The following CHCHD3 variants were observed in gnomAD, a reference collection of about 807,000 sequenced individuals.
CHCHD3 encodes coiled-coil-helix-coiled-coil-helix domain containing 3, also known as MICOS complex subunit MIC19.
A neutral mutation model predicts 38.2 loss-of-function variants in CHCHD3; 20 were observed. That is an observed-to-expected ratio of 0.52 (90% CI 0.37 to 0.76). The LOEUF (loss-of-function observed/expected upper bound fraction) is 0.76. Ranked by LOEUF, CHCHD3 falls within the 30% of genes least tolerant of loss-of-function variation. The pLI, the probability that CHCHD3 is intolerant of heterozygous loss-of-function variation, is 0.00. For missense variants in CHCHD3, 245 were observed against 279.2 expected, an observed-to-expected ratio of 0.88 and a Z score of 0.87; for synonymous variants, 82 against 100.0, an observed-to-expected ratio of 0.82 and a Z score of 1.07.
chr7:132,878,107 T>C lies in CHCHD3; in HGVS notation c.453+7555A>G, dbSNP rs998014296. Among the ~76,000 whole-genome samples, 5 of 152,218 alleles carry C rather than the reference T, an allele frequency of 3.3e-5. No individual in the cohort carries two copies. The East Asian group carries it at 9.6e-4, about 29-fold the overall frequency. On this transcript the variant is annotated intron_variant, in intron 5 of 7. Transcript: ENST00000262570. ...TATATTTTAGTATCTCAGATGTCAG[T>C]AGACTAATTGTGAATCCATCCTGCA...
chr7:132,837,995 C>T (rs967678005), intron 6 of CHCHD3, among the ~76,000 whole-genome samples: 3 of 152,066 alleles, frequency 2.0e-5, no homozygotes, highest in African/African-American at 4.8e-5. Context: ...AGCCTAACCA[C>T]GAGAAAGGCA....
chr7:132,942,704 G>A (rs7784213), intron 4 of CHCHD3, among the ~76,000 whole-genome samples: 6,522 of 152,250 alleles, frequency 0.043, 308 homozygotes, highest in African/African-American at 0.12. Flanking sequence ...AAGATGCTCT[G>A]TGACAACATC....
At chr7:132,796,655 C>G (rs535415039) in intron 6 of CHCHD3, 78 bp from the exon 7 acceptor site, 3 of 1,309,320 alleles carry the variant, frequency 2.3e-6, no homozygotes. Flanking sequence ...ACACATAAAA[C>G]GCACAGTAAG....
intron 7 of CHCHD3, among the ~76,000 whole-genome samples, 198 bp from the exon 8 acceptor site, chr7:132,785,858 A>G (rs1327337990): frequency 2.0e-5 from 3 of 152,092 alleles, no homozygotes; most frequent in Admixed American, 2.0e-4. Flanking sequence ...TCTTTAAATG[A>G]CCCCTCTCAC....
At chr7:133,017,132 C>T (rs1279540287) in intron 3 of CHCHD3, among the ~76,000 whole-genome samples, 1 of 152,236 alleles carries the variant, frequency 6.6e-6, no homozygotes, top group Non-Finnish European at 1.5e-5. Context: ...TAGGCTGACA[C>T]AGCTCTAAGT....
At chr7:133,037,587 C>T (rs976034611) in intron 2 of CHCHD3, among the ~76,000 whole-genome samples, 5 of 152,006 alleles carry the variant, frequency 3.3e-5, no homozygotes, top group African/African-American at 7.3e-5. Flanking sequence ...CTGAGGCAGG[C>T]GGATCACCTG....
chr7:132,841,665 G>A lies in CHCHD3; in HGVS notation c.454-3196C>T, dbSNP rs1017571137. On this transcript the variant is annotated intron_variant, in intron 5 of 7. Coordinates refer to ENST00000262570, the MANE Select transcript of CHCHD3 (RefSeq NM_017812.4). Reference sequence around the variant, plus strand: ...ACACCAAGTTCCACTGATGATCTCCGAGTGGCAGCAGTCATGTGGTGTGGT... The same window carrying A: ...ACACCAAGTTCCACTGATGATCTCCAAGTGGCAGCAGTCATGTGGTGTGGT... 9.2e-5 allele frequency among the ~76,000 whole-genome samples: 14 copies of A among 152,274 alleles called. No homozygotes were observed. The East Asian group carries it at 1.2e-3, about 13-fold the overall frequency.
At chr7:132,803,092 T>A (rs1229737040) in intron 6 of CHCHD3, among the ~76,000 whole-genome samples, 3 of 152,190 alleles carry the variant, frequency 2.0e-5, no homozygotes, top group Admixed American at 6.5e-5. Context: ...TAAAGTATTC[T>A]GGGTAGAACT....
chr7:132,982,757 T>C (rs1811951123), intron 3 of CHCHD3, among the ~76,000 whole-genome samples: 1 of 152,188 alleles, frequency 6.6e-6, no homozygotes, highest in Non-Finnish European at 1.5e-5. Context: ...AGAGAAATTA[T>C]GTAAAATTGA....
chr7:132,795,909 T>C (rs565008979), intron 7 of CHCHD3, among the ~76,000 whole-genome samples: 1 of 152,380 alleles, frequency 6.6e-6, no homozygotes, highest in East Asian at 1.9e-4. Flanking sequence ...GGCTATGGTC[T>C]ATAAAAGCAG....
chr7:132,807,692 T>A (rs1806967986), intron 6 of CHCHD3, among the ~76,000 whole-genome samples: 1 of 143,448 alleles, frequency 7.0e-6, no homozygotes, highest in African/African-American at 2.6e-5. Context: ...GGCTGAGAAA[T>A]GATTATAAAA....
At chr7:132,976,490 T>C (rs1177308688) in intron 3 of CHCHD3, among the ~76,000 whole-genome samples, 1 of 152,238 alleles carries the variant, frequency 6.6e-6, no homozygotes, top group Non-Finnish European at 1.5e-5. Context: ...GCCTGGCACA[T>C]AGAGGCATTC....
Position 132,796,591 on chromosome 7 carries a change from C to T in CHCHD3, c.525-14G>A. The stretch of plus-strand genomic sequence containing the variant: ...GACTCATATCGCCTGAAAACAAACA[C>T]AGGGACCGCTGAGACCAATGGTCTT... On this transcript the variant is annotated splice_polypyrimidine_tract_variant and intron_variant, in intron 6 of 7. Transcript: ENST00000262570. 1.9e-6 allele frequency: 3 copies of T among 1,613,110 alleles called. 1 individual carries two copies. The South Asian group carries it at 3.3e-5, about 18-fold the overall frequency.
At chr7:132,971,612 G>A (rs1275921672) in intron 4 of CHCHD3, among the ~76,000 whole-genome samples, 3 of 152,088 alleles carry the variant, frequency 2.0e-5, no homozygotes, top group Non-Finnish European at 2.9e-5. Flanking sequence ...CTGTTAGTGA[G>A]CCAGAAAGAT....
chr7:133,070,112 A>G, intron 2 of CHCHD3, 30 bp downstream of exon 2: 1 of 1,558,822 alleles, frequency 6.4e-7, no homozygotes, highest in Non-Finnish European at 8.7e-7. Flanking sequence ...TTTATCTCCT[A>G]AAAACCCTAA....
intron 2 of CHCHD3, among the ~76,000 whole-genome samples, chr7:133,043,060 G>A (rs529940010): frequency 6.6e-6 from 1 of 151,994 alleles, no homozygotes; most frequent in African/African-American, 2.4e-5. Flanking sequence ...AGAGACAGAG[G>A]TTTCATTATG....
chr7:132,963,417 G>A (rs1303725377), intron 4 of CHCHD3, among the ~76,000 whole-genome samples: 1 of 146,960 alleles, frequency 6.8e-6, no homozygotes, highest in African/African-American at 2.5e-5. Flanking sequence ...GGATCACGAG[G>A]TCGGGAGATC....
At chr7:132,877,055 C>A (rs1052825459) in intron 5 of CHCHD3, among the ~76,000 whole-genome samples, 1 of 152,064 alleles carries the variant, frequency 6.6e-6, no homozygotes, top group African/African-American at 2.4e-5. Context: ...AATAGAGCCC[C>A]AAATTAAGTG....
chr7:133,078,235 G>C (rs1286800083), intron 1 of CHCHD3, among the ~76,000 whole-genome samples: 1 of 152,136 alleles, frequency 6.6e-6, no homozygotes, highest in Admixed American at 6.5e-5. Flanking sequence ...CTTGAACCTG[G>C]GAGGCAGAGG....
Sources: allele counts gnomAD v4.1 joint callset (sites outside exome capture counted in the v4.1 genomes callset), GRCh38; gene constraint gnomAD v4.1.1; transcripts MANE v1.5; gene names NCBI Gene and HGNC (gene_info 2026-07-23, HGNC 2026-07-21).